FABP12: variants seen among roughly 807,000 people sequenced by gnomAD.
FABP12 encodes fatty acid-binding protein 12.
In FABP12, 19 loss-of-function variants were observed where a neutral mutation model predicts 13.7. The observed-to-expected ratio is 1.39, with a 90% confidence interval of 0.97 to 2.04. The LOEUF (loss-of-function observed/expected upper bound fraction) is 2.04. Ranked by LOEUF, FABP12 falls within the 30% of genes most tolerant of loss-of-function variation. The pLI, the probability that FABP12 is intolerant of heterozygous loss-of-function variation, is 0.00. For synonymous variants in FABP12, 61 were observed against 57.0 expected, an observed-to-expected ratio of 1.07 and a Z score of -0.32; for missense variants, 182 against 164.2, an observed-to-expected ratio of 1.11 and a Z score of -0.59.
At chr8:81,586,315 T>C (rs1810237138) in intron 1 of FABP12, among the ~76,000 whole-genome samples, 1 of 152,368 alleles carries the variant, frequency 6.6e-6, no homozygotes, top group South Asian at 2.1e-4. Flanking sequence ...CGCATGCATG[T>C]ATCTTTATGA....
intron 1 of FABP12, among the ~76,000 whole-genome samples, chr8:81,555,377 T>A: frequency 6.6e-6 from 1 of 152,198 alleles, no homozygotes; most frequent in Admixed American, 6.5e-5. Flanking sequence ...GTTTAGAAAA[T>A]CTAACTTTAA....
intron 1 of FABP12, among the ~76,000 whole-genome samples, chr8:81,577,675 C>T (rs571655577): frequency 1.2e-4 from 18 of 152,232 alleles, no homozygotes; most frequent in Admixed American, 8.5e-4. Context: ...GTAGGAGAAT[C>T]GCTTGAACCC....
upstream of FABP12, among the ~76,000 whole-genome samples, chr8:81,535,831 T>C (rs1809208413): frequency 2.0e-5 from 3 of 152,228 alleles, no homozygotes; most frequent in South Asian, 4.2e-4. Flanking sequence ...TTGGCTCAGA[T>C]CTGGAATCTG....
At chr8:81,576,639 T>C (rs1810051940) in intron 1 of FABP12, among the ~76,000 whole-genome samples, 1 of 152,210 alleles carries the variant, frequency 6.6e-6, no homozygotes, top group South Asian at 2.1e-4. Flanking sequence ...TTGTTTCCTT[T>C]TTTAACAGAA....
exon 2 of FABP12, chr8:81,531,244 C>A: frequency 1.9e-6 from 3 of 1,604,402 alleles, no homozygotes; most frequent in Non-Finnish European, 1.7e-6. Context: ...ATAGCTCACC[C>A]AGCTCCTTCA....
intron 1 of FABP12, among the ~76,000 whole-genome samples, chr8:81,549,980 C>T (rs529694592): frequency 1.3e-5 from 2 of 152,170 alleles, no homozygotes; most frequent in Non-Finnish European, 2.9e-5. Context: ...ATTATCTATG[C>T]TTATTATACT....
chr8:81,554,065 T>C (rs1466772696), intron 1 of FABP12, among the ~76,000 whole-genome samples: 2 of 152,142 alleles, frequency 1.3e-5, no homozygotes, highest in Non-Finnish European at 1.5e-5. Flanking sequence ...AACCACACAG[T>C]GTATCAAAAT....
intron 1 of FABP12, among the ~76,000 whole-genome samples, chr8:81,570,114 G>GCA (rs1809899433): frequency 6.6e-6 from 1 of 152,254 alleles, no homozygotes; most frequent in Non-Finnish European, 1.5e-5. Flanking sequence ...TGGACCCGGT[G>GCA]CATTGCAAAC....
At chr8:81,576,315 T>C (rs1187406551) in intron 1 of FABP12, among the ~76,000 whole-genome samples, 1 of 152,178 alleles carries the variant, frequency 6.6e-6, no homozygotes, top group Non-Finnish European at 1.5e-5. Flanking sequence ...AATATTCATA[T>C]ATATTTCTCC....
rs190745078 is a variant in FABP12, at chr8:81,563,056, C to T, written c.-184-23313G>A. Among the ~76,000 whole-genome samples the T allele has an allele frequency of 5.7e-3, 868 of 152,286 alleles. 30 individuals are homozygous for T. The highest frequency in any genetic ancestry group is 0.048 in the Admixed American group (741 of 15,298). On this transcript the variant is annotated intron_variant, in intron 1 of 5. Transcript: ENST00000692030. ...ACAGGGGTGCTTGGGCCACCCCTCC[C>T]GCAGCTCCAGGCAGCTCAGCACACA... is the stretch of plus-strand genomic sequence containing the variant.
chr8:81,578,827 T>C (rs12708113), intron 1 of FABP12, among the ~76,000 whole-genome samples: 30 of 1,320 alleles, frequency 0.023, no homozygotes, highest in East Asian at 0.071. Context: ...GTTCAAGTTT[T>C]TTTTTTTTTT....
chr8:81,584,640 C>A (rs2098996), intron 1 of FABP12, among the ~76,000 whole-genome samples: 95,625 of 152,010 alleles, frequency 0.63, 31,897 homozygotes, highest in Non-Finnish European at 0.74. Context: ...ATATTGATTT[C>A]CTTTCTTTTG....
intron 1 of FABP12, among the ~76,000 whole-genome samples, chr8:81,576,645 C>T (rs1471742061): frequency 6.6e-6 from 1 of 152,086 alleles, no homozygotes. Context: ...CCTTTTTTAA[C>T]AGAATAGCCA....
chr8:81,578,542 A>G (rs1462189734), intron 1 of FABP12, among the ~76,000 whole-genome samples: 1 of 149,590 alleles, frequency 6.7e-6, no homozygotes, highest in South Asian at 2.1e-4. Flanking sequence ...CTGGAGTGCA[A>G]TGGCATGATC....
At chr8:81,563,680 G>T (rs1809766357) in intron 1 of FABP12, among the ~76,000 whole-genome samples, 1 of 152,064 alleles carries the variant, frequency 6.6e-6, no homozygotes, top group African/African-American at 2.4e-5. Context: ...CAGCAGAACT[G>T]ATAAAGCAAA....
chr8:81,536,570 A>G (rs1344561933), upstream of FABP12, among the ~76,000 whole-genome samples: 1 of 152,238 alleles, frequency 6.6e-6, no homozygotes, highest in African/African-American at 2.4e-5. Context: ...AGTGCCTACT[A>G]AAGGAAAGAT....
At chr8:81,557,124 C>T (rs1321141400) in intron 1 of FABP12, among the ~76,000 whole-genome samples, 1 of 152,100 alleles carries the variant, frequency 6.6e-6, no homozygotes, top group Non-Finnish European at 1.5e-5. Flanking sequence ...ATCCGCCCAC[C>T]TCAGCCTCCC....
At chr8:81,568,396 A>G (rs1809866992) in intron 1 of FABP12, among the ~76,000 whole-genome samples, 1 of 152,252 alleles carries the variant, frequency 6.6e-6, no homozygotes, top group East Asian at 1.9e-4. Context: ...ATCATCGATC[A>G]TCAGAGAAGT....
chr8:81,537,029 C>T (rs571009919), upstream of FABP12, among the ~76,000 whole-genome samples: 5 of 152,162 alleles, frequency 3.3e-5, no homozygotes, highest in South Asian at 8.3e-4. Context: ...CTACTATAGG[C>T]TTTCTTTTCT....
Sources: gnomAD v4.1 joint callset for allele counts (sites outside exome capture counted in the v4.1 genomes callset) on GRCh38, gnomAD v4.1.1 for gene constraint, MANE v1.5 for transcripts, NCBI Gene and HGNC (gene_info 2026-07-23, HGNC 2026-07-21) for gene names.